The following RIPOR2 variants were observed in gnomAD, a reference collection of about 807,000 sequenced individuals.
RIPOR2 encodes the protein rho family-interacting cell polarization regulator 2.
Under a neutral mutation model 114.5 loss-of-function variants are expected in RIPOR2, and 39 were observed. The observed-to-expected ratio is 0.34, with a 90% CI of 0.26 to 0.44. RIPOR2 has a LOEUF of 0.44. Among genes scored for constraint, RIPOR2 ranks in the 20% least tolerant of loss-of-function variants. The pLI is 1.00. For synonymous variants in RIPOR2, 445 were observed against 484.4 expected (o/e 0.92, Z 1.07); for missense variants, 1,007 against 1,255.1 (o/e 0.80, Z 2.99).
Position 24,849,772 on chromosome 6 carries a change from A to G in RIPOR2, c.1034+30T>C, listed in dbSNP as rs1762673797. On this transcript the variant is annotated intron_variant, in intron 11 of 21. Transcript: ENST00000643898. ...GCACTAGCCGGTATCAGATATTTCTATATGATGAAATAAAGGAAGAGGCAC... is the reference window on the plus strand; with the variant it reads ...GCACTAGCCGGTATCAGATATTTCTGTATGATGAAATAAAGGAAGAGGCAC... 1.9e-6 allele frequency: 3 copies of G among 1,591,124 alleles called. No individual in the cohort carries two copies. Among genetic ancestry groups the G allele is most frequent in the Non-Finnish European group, 2.6e-6 (3 of 1,159,846 alleles).
chr6:24,840,857 C>T (rs986387106), intron 13 of RIPOR2: 1 of 1,359,876 alleles, frequency 7.4e-7, no homozygotes, highest in South Asian at 1.2e-5. Context: ...GCCATTTGCC[C>T]CAGACCTAAA....
chr6:24,855,878 T>G (rs575193701), intron 8 of RIPOR2, among the ~76,000 whole-genome samples: 1 of 151,908 alleles, frequency 6.6e-6, no homozygotes, highest in African/African-American at 2.4e-5. Context: ...TACGAAAAAT[T>G]TAAAAATTAG....
chr6:24,990,224 G>A (rs561116718), intron 1 of RIPOR2, among the ~76,000 whole-genome samples: 5 of 152,126 alleles, frequency 3.3e-5, no homozygotes, highest in Admixed American at 6.5e-5. Context: ...AGGCAATAAC[G>A]TCTCAGTGTG....
intron 1 of RIPOR2, chr6:25,041,702 G>A: frequency 1.7e-6 from 1 of 590,328 alleles, no homozygotes. Flanking sequence ...AAATACCAAA[G>A]TCCATTGGAA....
chr6:25,015,910 T>TTTTTTTTTTTTTTTTTTG (rs1775965870), intron 1 of RIPOR2: 1 of 136,640 alleles, frequency 7.3e-6, no homozygotes. Flanking sequence ...TTTTTTTTTT[T>TTTTTTTTTTTTTTTTTTG]TTTTTTTTTT....
chr6:24,947,955 C>T (rs1344062268), intron 1 of RIPOR2: 1 of 152,084 alleles, frequency 6.6e-6, no homozygotes, highest in African/African-American at 2.4e-5. Context: ...AATTATTTTC[C>T]TAATTAGTTC....
Position 24,835,773 on chromosome 6 carries a change from A to G in RIPOR2, c.2138T>C (p.Leu713Pro), listed in dbSNP as rs1433354382. The G allele has an allele frequency of 6.4e-7, 1 of 1,551,630 alleles. No individual in the cohort carries two copies. Among genetic ancestry groups the G allele is most frequent in the Non-Finnish European group, 8.7e-7 (1 of 1,146,960 alleles). Residue 713 changes from leucine (L) to proline (P), a missense_variant, in exon 15 of 22, where the codon CTG becomes CCG. Transcript: ENST00000643898. Reference protein sequence around the residue: ...GTSVAGSPLPLTTGNESLDIT... With the variant: ...GTSVAGSPLPPTTGNESLDIT... ...GTCCAGGCTCTCGTTGCCTGTGGTC[A>G]GTGGGAGAGGACTTCCTGCCACACT... is the stretch of plus-strand genomic sequence containing the variant.
chr6:24,820,980 C>A (rs562813023), intron 19 of RIPOR2, among the ~76,000 whole-genome samples: 1 of 147,340 alleles, frequency 6.8e-6, no homozygotes, highest in South Asian at 2.1e-4. Flanking sequence ...TCAAGCCATA[C>A]GCCCACCTTA....
chr6:24,984,560 C>A lies in RIPOR2; in HGVS notation c.76+57291G>T, dbSNP rs144116616. 7.8e-4 allele frequency among the ~76,000 whole-genome samples: 119 copies of A among 151,598 alleles called. No individual in the cohort carries two copies. In the East Asian group the frequency reaches 0.013, roughly 16 times the overall value. On this transcript the variant is annotated intron_variant, in intron 1 of 13. Transcript: ENST00000510784. The stretch of plus-strand genomic sequence containing the variant: ...CATTTAAAGCACTTGGAGCTGGGCC[C>A]GGTGGTGCACGCCAGTAGTCCTAGC...
intron 9 of RIPOR2, 37 bp from the exon 10 acceptor site, chr6:24,850,759 C>T (rs777855041): frequency 6.2e-7 from 1 of 1,611,450 alleles, no homozygotes; most frequent in South Asian, 1.1e-5. Context: ...CATGTCTTGC[C>T]ACCCCCTCTT....
chr6:24,918,815 C>T (rs1171550861), intron 1 of RIPOR2, among the ~76,000 whole-genome samples: 1 of 152,170 alleles, frequency 6.6e-6, no homozygotes, highest in Non-Finnish European at 1.5e-5. Context: ...TGCTCTATTC[C>T]TTTCTCTCAT....
intron 1 of RIPOR2, among the ~76,000 whole-genome samples, chr6:24,902,218 CTT>C (rs112603611): frequency 9.8e-5 from 14 of 143,374 alleles, no homozygotes; most frequent in Admixed American, 2.1e-4. Context: ...CTTTCTTTTT[CTT>C]TTTTTTTTTT....
intron 14 of RIPOR2, 149 bp downstream of exon 14, chr6:24,838,942 A>T (rs558184415): frequency 1.4e-4 from 80 of 591,982 alleles, no homozygotes; most frequent in Non-Finnish European, 2.1e-4. Flanking sequence ...TGCACTTGAC[A>T]ATAAAAAGGA....
Position 24,849,913 on chromosome 6 carries a change from A to G in RIPOR2, c.923T>C (p.Val308Ala). 6.2e-7 allele frequency: 1 copy of G among 1,613,864 alleles called. No individual in the cohort carries two copies. Among genetic ancestry groups the G allele is most frequent in the Non-Finnish European group, 8.5e-7 (1 of 1,179,830 alleles). ...TTTGGTCTCACAGGTCACGCTACCT[A>G]CCAGGATGTGAGTTGCTAGCCCTTT... ...ELKGLATHIL[V>A]GSVTCETKEL... Residue 308 changes from valine (V) to alanine (A), a missense_variant, in exon 11 of 22, where the codon GTA becomes GCA. Coordinates refer to ENST00000643898, the MANE Select transcript of RIPOR2 (RefSeq NM_001286445.3).
At position 24,828,182 on chromosome 6, in the gene RIPOR2, C is replaced by T. The variant is rs140410062; in HGVS notation, c.2620G>A (p.Gly874Ser). 538 of 1,550,936 alleles carry T rather than the reference C, an allele frequency of 3.5e-4. No individual in the cohort carries two copies. The highest frequency in any genetic ancestry group is 3.4e-3 in the East Asian group (137 of 40,888). The change falls in exon 18 of 22, where the codon GGC becomes AGC. Residue 874 changes from glycine (G) to serine (S), a missense_variant. Gly to Ser is a moderately conservative substitution (Grantham distance 56). Coordinates refer to ENST00000643898, the MANE Select transcript of RIPOR2 (RefSeq NM_001286445.3). Reference sequence around the variant, plus strand: ...AGGTAACTCTCCAGGTCACTGACGCCGTGGCTGGTGAAGTAACTGTAATAC... The same window carrying T: ...AGGTAACTCTCCAGGTCACTGACGCTGTGGCTGGTGAAGTAACTGTAATAC... ...FQYYSYFTSHGVSDLESYLSQ... is the reference protein window; with the variant it reads ...FQYYSYFTSHSVSDLESYLSQ...
rs143401331 is a variant in RIPOR2 at position 24,818,177 on chromosome 6, G to T, written c.2952+365C>A. Among the ~76,000 whole-genome samples, 224 of 152,016 alleles carry T rather than the reference G, an allele frequency of 1.5e-3. 3 individuals carry two copies. The East Asian group carries it at 0.023, about 15-fold the overall frequency. On this transcript the variant is annotated intron_variant, in intron 20 of 21. Coordinates refer to ENST00000643898, the MANE Select transcript of RIPOR2 (RefSeq NM_001286445.3). ...GAGGTTTCACCATGTTGGCCAGGTTGATCTCAAACTCCTGACCTCAGGTGA... is the reference window on the plus strand; with the variant it reads ...GAGGTTTCACCATGTTGGCCAGGTTTATCTCAAACTCCTGACCTCAGGTGA...
Position 24,849,941 on chromosome 6 carries a change from G to T in RIPOR2, c.895C>A (p.Leu299Ile), listed in dbSNP as rs200099895. The change falls in exon 11 of 22, where the codon CTC becomes ATC. Residue 299 changes from leucine to isoleucine, a missense_variant. Transcript: ENST00000643898. ...VGFISIKVTE[L>I]KGLATHILVG... Reference sequence around the variant, plus strand: ...AGGATGTGAGTTGCTAGCCCTTTGAGCTCCGTGACCTAGCAGAGAGAGTGG... The same window carrying T: ...AGGATGTGAGTTGCTAGCCCTTTGATCTCCGTGACCTAGCAGAGAGAGTGG... 5 of 1,613,516 alleles carry T rather than the reference G, an allele frequency of 3.1e-6. No homozygotes were observed. In the African/African-American group the frequency reaches 6.7e-5, roughly 22 times the overall value.
intron 1 of RIPOR2, among the ~76,000 whole-genome samples, chr6:24,952,583 T>A (rs1344826026): frequency 6.6e-6 from 1 of 152,176 alleles, no homozygotes; most frequent in Non-Finnish European, 1.5e-5. Context: ...TAACCTCCAG[T>A]GCACAGATAA....
At chr6:25,033,849 T>A (rs1461919974) in intron 1 of RIPOR2, among the ~76,000 whole-genome samples, 4 of 152,144 alleles carry the variant, frequency 2.6e-5, no homozygotes, top group African/African-American at 4.8e-5. Flanking sequence ...AAGATTTTTT[T>A]ATTATTTTAT....
Sources: allele counts gnomAD v4.1 joint callset (sites outside exome capture counted in the v4.1 genomes callset), GRCh38; gene constraint gnomAD v4.1.1; transcripts MANE v1.5; gene names NCBI Gene and HGNC (gene_info 2026-07-23, HGNC 2026-07-21).